Variants in SMAP2 observed in about 807,000 individuals in gnomAD.
SMAP2 encodes small ArfGAP2.
In SMAP2, 25 loss-of-function variants were observed where a neutral mutation model predicts 56.4. The ratio of observed to expected loss-of-function variants is 0.44; its 90% CI spans 0.32 to 0.62. The LOEUF is 0.62. SMAP2 is among the 20% of genes least tolerant of loss of function. The pLI is 0.04. For synonymous variants in SMAP2, 157 were observed against 181.7 expected (o/e 0.86, Z 1.09); for missense variants, 388 against 545.6 (o/e 0.71, Z 2.88).
At chr1:40,412,982 GC>G (rs1644951923) in intron 4 of SMAP2, 33 bp from the exon 5 acceptor site, 1 of 1,493,760 alleles carries the variant, frequency 6.7e-7, no homozygotes, top group African/African-American at 1.4e-5. Flanking sequence ...GTCACCTTGG[GC>G]CCTGTGTTCT....
At position 40,346,463 on chromosome 1, in the gene SMAP2, G is replaced by A. The variant is rs147757324; in HGVS notation, c.-83+1553G>A. 5.1e-3 allele frequency among the ~76,000 whole-genome samples: 771 copies of A among 151,564 alleles called. 2 individuals carry two copies. Among genetic ancestry groups the A allele is most frequent in the Middle Eastern group, 0.021 (6 of 290 alleles). ...CAGCTCACTGCAGCCTCAACCTCCC[G>A]GCCTCAAGTGATCCTCCTGCCTCAG... On this transcript the variant is annotated intron_variant, in intron 1 of 6. Transcript: ENST00000435168.
At chr1:40,359,125 C>A (rs895629596) in intron 1 of SMAP2, among the ~76,000 whole-genome samples, 9 of 152,160 alleles carry the variant, frequency 5.9e-5, no homozygotes, top group African/African-American at 1.2e-4. Flanking sequence ...TTGTTTGAGA[C>A]AAAACCTTGC....
chr1:40,373,986 G>T lies in SMAP2; in HGVS notation c.-135G>T. ...GACCCGGGAAGGGGCGTCCGGCGGG[G>T]CCGGAGGAGAGGGCTCTCCCCGCTC... On this transcript the variant is annotated 5_prime_UTR_variant, in exon 1 of 10. Transcript: ENST00000372718. 2 of 643,548 alleles carry T rather than the reference G, an allele frequency of 3.1e-6. No individual in the cohort carries two copies. The highest frequency in any genetic ancestry group is 2.7e-6 in the Non-Finnish European group (1 of 366,796). 39.9% of individuals were successfully genotyped at this position (643,548 alleles called of 1,614,324 possible).
chr1:40,373,799 G>A lies in SMAP2; in HGVS notation c.-322G>A, dbSNP rs1015929653. Reference sequence around the variant, plus strand: ...GGGACGCAAGGCCAGCAGACAGGCCGGCCAGAGGGTCATCTGCGTCCGGCA... The same window carrying A: ...GGGACGCAAGGCCAGCAGACAGGCCAGCCAGAGGGTCATCTGCGTCCGGCA... On this transcript the variant is annotated 5_prime_UTR_variant, in exon 1 of 10. Transcript: ENST00000372718. 1 of 219,776 alleles carries A rather than the reference G, an allele frequency of 4.6e-6. No individual in the cohort carries two copies. Among genetic ancestry groups the A allele is most frequent in the East Asian group, 1.1e-4 (1 of 9,158 alleles). The allele number at this position is 219,776 out of a possible 1,614,324, so 13.6% of individuals were successfully genotyped here.
At chr1:40,373,101 G>A (rs1644507880), upstream of SMAP2, among the ~76,000 whole-genome samples, 1 of 152,180 alleles carries the variant, frequency 6.6e-6, no homozygotes. Context: ...AAAACTCGCT[G>A]TTTTGTGAGA....
At chr1:40,365,043 T>C (rs529828000) in intron 2 of SMAP2, 3 of 224,296 alleles carry the variant, frequency 1.3e-5, no homozygotes, top group Admixed American at 1.2e-4. Flanking sequence ...CTGTTGGCCA[T>C]GTGAAGATGA....
intron 9 of SMAP2, 46 bp from the exon 10 acceptor site, chr1:40,421,930 C>A: frequency 6.2e-7 from 1 of 1,612,146 alleles, no homozygotes; most frequent in Middle Eastern, 1.7e-4. Flanking sequence ...CACTAATTGG[C>A]GGAATGCCCA....
chr1:40,356,899 A>G (rs1337221551), intron 1 of SMAP2, among the ~76,000 whole-genome samples: 1 of 152,092 alleles, frequency 6.6e-6, no homozygotes, highest in Non-Finnish European at 1.5e-5. Context: ...TTTGATTTGC[A>G]TTTCTCTTAT....
intron 1 of SMAP2, among the ~76,000 whole-genome samples, chr1:40,392,313 G>T (rs1203589640): frequency 1.3e-5 from 2 of 152,124 alleles, no homozygotes. Context: ...TCTTTGCTGG[G>T]ATGCTCTGGG....
At chr1:40,348,895 C>T (rs771602934) in intron 1 of SMAP2, among the ~76,000 whole-genome samples, 6 of 152,042 alleles carry the variant, frequency 3.9e-5, no homozygotes, top group South Asian at 2.1e-4. Context: ...CTCATTCTCC[C>T]GAGTAGCTGG....
chr1:40,365,405 T>A (rs976522059), intron 2 of SMAP2, among the ~76,000 whole-genome samples: 1 of 152,218 alleles, frequency 6.6e-6, no homozygotes, highest in Non-Finnish European at 1.5e-5. Flanking sequence ...AAGCTGAGTA[T>A]GAAATGTGGT....
rs570478596 is a variant in SMAP2 at position 40,380,623 on chromosome 1, G to A, written c.103+6400G>A. Among the ~76,000 whole-genome samples, 7 of 150,274 alleles carry A rather than the reference G, an allele frequency of 4.7e-5. No individual in the cohort carries two copies. The South Asian group carries it at 1.0e-3, about 22-fold the overall frequency. On this transcript the variant is annotated intron_variant, in intron 1 of 9. Transcript: ENST00000372718. Reference sequence around the variant, plus strand: ...TGGCTCACTGCAACCTCCACTTCCCGGGTTCAAGCCATTCTCCTGCCTCAG... The same window carrying A: ...TGGCTCACTGCAACCTCCACTTCCCAGGTTCAAGCCATTCTCCTGCCTCAG...
chr1:40,400,763 A>AAGGTTT (rs1341706920), intron 1 of SMAP2, among the ~76,000 whole-genome samples: 1 of 152,188 alleles, frequency 6.6e-6, no homozygotes, highest in Non-Finnish European at 1.5e-5. Context: ...GACTACATGG[A>AAGGTTT]AGGTTTATAT....
chr1:40,417,206 G>T, intron 9 of SMAP2, 110 bp downstream of exon 9: 27 of 574,210 alleles, frequency 4.7e-5, no homozygotes, highest in East Asian at 7.0e-5. Context: ...ATGAGATAAT[G>T]TAAGAGACAT....
Position 40,383,759 on chromosome 1 carries a change from A to G in SMAP2, c.103+9536A>G, listed in dbSNP as rs187638842. On this transcript the variant is annotated intron_variant, in intron 1 of 9. Transcript: ENST00000372718. Reference sequence around the variant, plus strand: ...CAGAAAATAAGTTCCCACCCTGTCAATTCTGGGAAGTCTTAGGTATGGTGT... The same window carrying G: ...CAGAAAATAAGTTCCCACCCTGTCAGTTCTGGGAAGTCTTAGGTATGGTGT... Among the ~76,000 whole-genome samples the G allele has an allele frequency of 1.4e-4, 21 of 152,314 alleles. No homozygotes were observed. The Middle Eastern group carries it at 0.017, about 123-fold the overall frequency.
chr1:40,400,535 C>A (rs539792064), intron 1 of SMAP2, among the ~76,000 whole-genome samples: 43 of 152,004 alleles, frequency 2.8e-4, no homozygotes, highest in Admixed American at 7.2e-4. Flanking sequence ...AGAAGAGATA[C>A]TGATTTGACA....
intron 7 of SMAP2, 132 bp downstream of exon 7, chr1:40,415,513 T>A: frequency 1.4e-6 from 1 of 698,728 alleles, no homozygotes; most frequent in Non-Finnish European, 2.6e-6. Flanking sequence ...ATTCTTCCCT[T>A]AACATTGTGT....
intron 1 of SMAP2, chr1:40,393,226 T>A: frequency 8.3e-7 from 1 of 1,200,832 alleles, no homozygotes; most frequent in Non-Finnish European, 1.1e-6. Context: ...CTCAAGAAGC[T>A]GAGGTGGGAG....
chr1:40,362,714 C>A (rs980485474), intron 2 of SMAP2, among the ~76,000 whole-genome samples: 1 of 152,152 alleles, frequency 6.6e-6, no homozygotes, highest in Non-Finnish European at 1.5e-5. Flanking sequence ...AATTTCCTAT[C>A]ATTACACTAC....
Sources: gnomAD v4.1 joint callset for allele counts (sites outside exome capture counted in the v4.1 genomes callset) on GRCh38, gnomAD v4.1.1 for gene constraint, MANE v1.5 for transcripts, NCBI Gene and HGNC (gene_info 2026-07-23, HGNC 2026-07-21) for gene names.